Variants in AKAP6 observed in about 807,000 individuals in gnomAD.
AKAP6 encodes the protein A-kinase anchor protein 6.
A neutral mutation model predicts 188.5 loss-of-function variants in AKAP6; 58 were observed. The ratio of observed to expected loss-of-function variants is 0.31; its 90% confidence interval spans 0.25 to 0.38. The LOEUF (loss-of-function observed/expected upper bound fraction) is 0.38, where lower values mean the gene tolerates loss of function less well. Ranked by LOEUF, AKAP6 falls within the 10% of genes least tolerant of loss-of-function variation. AKAP6 has a pLI of 1.00. For synonymous variants in AKAP6, 989 were observed against 998.6 expected, an observed-to-expected ratio of 0.99 and a Z score of 0.18; for missense variants, 2,710 against 2,740.0, an observed-to-expected ratio of 0.99 and a Z score of 0.24.
intron 11 of AKAP6, among the ~76,000 whole-genome samples, chr14:32,773,470 G>A (rs2032958613): frequency 6.6e-6 from 1 of 152,144 alleles, no homozygotes; most frequent in Non-Finnish European, 1.5e-5. Context: ...TGAAAAGTGT[G>A]GAGGAATGGG....
At position 32,823,772 on chromosome 14, in the gene AKAP6, C is replaced by A. The variant is rs1286604345; in HGVS notation, c.5959C>A (p.Leu1987Met). 6.2e-7 allele frequency: 1 copy of A among 1,613,636 alleles called. No individual in the cohort carries two copies. Among genetic ancestry groups the A allele is most frequent in the South Asian group, 1.1e-5 (1 of 91,082 alleles). Residue 1987 changes from leucine (L) to methionine (M), a missense_variant, in exon 13 of 14, where the codon CTG becomes ATG. By Grantham distance (15) the Leu-to-Met change is conservative. Transcript: ENST00000280979. ...TCCCACTGAGAAGTCTTTCTCAGAA[C>A]TGGCTTTAGAAACCAGGTTTAACAA... The part of the protein sequence containing the change: ...STPTEKSFSE[L>M]ALETRFNNRQ...
intron 11 of AKAP6, among the ~76,000 whole-genome samples, chr14:32,766,358 T>C (rs886224314): frequency 6.6e-6 from 1 of 152,164 alleles, no homozygotes; most frequent in Non-Finnish European, 1.5e-5. Flanking sequence ...TTTTCAGTTC[T>C]CTTGGGTATA....
chr14:32,632,230 G>A (rs1384011593), intron 7 of AKAP6, among the ~76,000 whole-genome samples: 2 of 151,916 alleles, frequency 1.3e-5, no homozygotes, highest in Non-Finnish European at 2.9e-5. Flanking sequence ...AACATATGTC[G>A]AATTATTTTT....
chr14:32,585,105 A>G (rs534700958), intron 5 of AKAP6, among the ~76,000 whole-genome samples: 27 of 151,982 alleles, frequency 1.8e-4, no homozygotes, highest in African/African-American at 6.3e-4. Context: ...GCAGGTCAGC[A>G]GTTTCCCCCT....
At chr14:32,635,818 G>A (rs1887461455) in intron 7 of AKAP6, among the ~76,000 whole-genome samples, 1 of 152,076 alleles carries the variant, frequency 6.6e-6, no homozygotes, top group South Asian at 2.1e-4. Flanking sequence ...AAGGTTGTAG[G>A]AATATATAGG....
intron 7 of AKAP6, among the ~76,000 whole-genome samples, chr14:32,672,130 A>G (rs540862381): frequency 1.3e-5 from 2 of 152,206 alleles, no homozygotes; most frequent in African/African-American, 4.8e-5. Context: ...CCAAATTTCC[A>G]TAAAATATTT....
intron 2 of AKAP6, among the ~76,000 whole-genome samples, chr14:32,513,845 A>T (rs1180430259): frequency 6.6e-6 from 1 of 151,898 alleles, no homozygotes; most frequent in Non-Finnish European, 1.5e-5. Context: ...TCTATATAGA[A>T]CTCTTTTATA....
At chr14:32,688,021 C>T (rs1388759960) in intron 8 of AKAP6, among the ~76,000 whole-genome samples, 1 of 152,022 alleles carries the variant, frequency 6.6e-6, no homozygotes, top group East Asian at 1.9e-4. Context: ...CAAGAGCCAA[C>T]AAAAGGCAAA....
intron 7 of AKAP6, among the ~76,000 whole-genome samples, chr14:32,603,874 T>C (rs1377672464): frequency 1.3e-5 from 2 of 152,100 alleles, no homozygotes; most frequent in East Asian, 3.9e-4. Flanking sequence ...TGAGTATCTT[T>C]GAATTTTCCA....
At chr14:32,668,758 G>A (rs1381075469) in intron 7 of AKAP6, among the ~76,000 whole-genome samples, 2 of 151,952 alleles carry the variant, frequency 1.3e-5, no homozygotes, top group South Asian at 2.1e-4. Flanking sequence ...TTTATGATTA[G>A]TTTTGTGATT....
intron 12 of AKAP6, among the ~76,000 whole-genome samples, chr14:32,790,735 A>G (rs776293085): frequency 6.6e-6 from 1 of 152,074 alleles, no homozygotes; most frequent in African/African-American, 2.4e-5. Flanking sequence ...CCCCTCATGC[A>G]TTAGGTGTTT....
rs147705210 is a variant in AKAP6 at position 32,446,440 on chromosome 14, C to T, written c.324+12623C>T. 8.7e-4 allele frequency among the ~76,000 whole-genome samples: 133 copies of T among 152,038 alleles called. 2 individuals carry two copies. The East Asian group carries it at 0.024, about 27-fold the overall frequency. On this transcript the variant is annotated intron_variant, in intron 2 of 13. Coordinates refer to ENST00000280979, the MANE Select transcript of AKAP6 (RefSeq NM_004274.5). Reference sequence around the variant, plus strand: ...ACAAGGTTTCCTTTTCATTTTTCTCCTTTCTGCTTCTTGTGATCTGCATGT... The same window carrying T: ...ACAAGGTTTCCTTTTCATTTTTCTCTTTTCTGCTTCTTGTGATCTGCATGT...
chr14:32,549,500 T>G (rs2139168607), intron 4 of AKAP6, among the ~76,000 whole-genome samples: 1 of 152,232 alleles, frequency 6.6e-6, no homozygotes, highest in African/African-American at 2.4e-5. Context: ...GGAAGGTTTG[T>G]CATCAGAGAT....
chr14:32,457,442 A>T (rs1352137907), intron 2 of AKAP6, among the ~76,000 whole-genome samples: 2 of 152,194 alleles, frequency 1.3e-5, no homozygotes, highest in Admixed American at 6.5e-5. Context: ...TGGGTAACTG[A>T]GAGTTCTTAA....
At chr14:32,469,954 A>G (rs1878682223) in intron 2 of AKAP6, among the ~76,000 whole-genome samples, 1 of 152,160 alleles carries the variant, frequency 6.6e-6, no homozygotes, top group Admixed American at 6.6e-5. Context: ...ATGTTGGGAA[A>G]TTACTGATTT....
chr14:32,667,253 G>T (rs1424602091), intron 7 of AKAP6, among the ~76,000 whole-genome samples: 1 of 152,024 alleles, frequency 6.6e-6, no homozygotes, highest in South Asian at 2.1e-4. Context: ...AGACACCCAG[G>T]TTTACAATAG....
chr14:32,679,712 A>G (rs1889592543), intron 8 of AKAP6, among the ~76,000 whole-genome samples: 1 of 152,198 alleles, frequency 6.6e-6, no homozygotes, highest in African/African-American at 2.4e-5. Flanking sequence ...CTGTTTAGGA[A>G]ATGAAAAGGG....
chr14:32,810,103 G>C (rs1439835290), intron 12 of AKAP6, among the ~76,000 whole-genome samples: 2 of 152,156 alleles, frequency 1.3e-5, no homozygotes, highest in African/African-American at 4.8e-5. Flanking sequence ...TAGCAGGTCA[G>C]TGTCTTACAT....
At chr14:32,412,812 A>T (rs1163448428) in intron 1 of AKAP6, among the ~76,000 whole-genome samples, 1 of 152,214 alleles carries the variant, frequency 6.6e-6, no homozygotes, top group Non-Finnish European at 1.5e-5. Context: ...GGATGATGTT[A>T]TCAGCAACCT....
Sources: gnomAD v4.1 joint callset for allele counts (sites outside exome capture counted in the v4.1 genomes callset) on GRCh38, gnomAD v4.1.1 for gene constraint, MANE v1.5 for transcripts, NCBI Gene and HGNC (gene_info 2026-07-23, HGNC 2026-07-21) for gene names.